Variants in VPS13B observed in about 807,000 individuals in gnomAD.
The protein encoded by VPS13B is intermembrane lipid transfer protein VPS13B.
VPS13B carries 285 observed loss-of-function variants against 426.4 expected under a neutral mutation model. The observed-to-expected ratio is 0.67, with a 90% CI of 0.61 to 0.74. The LOEUF (loss-of-function observed/expected upper bound fraction) is 0.74. Ranked by LOEUF, VPS13B falls within the 30% of genes least tolerant of loss-of-function variation. The pLI is 0.00. For missense variants in VPS13B, 4,537 were observed against 4,782.6 expected (o/e 0.95, Z 1.51); for synonymous variants, 1,676 against 1,676.4 (o/e 1.00, Z 0.01).
At chr8:99,810,825 T>C (rs1432267866) in intron 44 of VPS13B, among the ~76,000 whole-genome samples, 1 of 152,154 alleles carries the variant, frequency 6.6e-6, no homozygotes, top group Non-Finnish European at 1.5e-5. Context: ...TTGGAAAATA[T>C]GTAGAATTTG....
chr8:99,529,318 T>C (rs1342885942), intron 30 of VPS13B, among the ~76,000 whole-genome samples: 1 of 152,160 alleles, frequency 6.6e-6, no homozygotes, highest in Non-Finnish European at 1.5e-5. Context: ...ATTCTTTAAC[T>C]TGCTTGTATT....
At chr8:99,247,693 A>G (rs558932803) in intron 17 of VPS13B, among the ~76,000 whole-genome samples, 72 of 152,338 alleles carry the variant, frequency 4.7e-4, no homozygotes, top group Non-Finnish European at 5.7e-4. Context: ...AATTTTGTTC[A>G]AGGCTGGTGT....
At chr8:99,751,968 A>G (rs763004106) in intron 39 of VPS13B, among the ~76,000 whole-genome samples, 3 of 152,146 alleles carry the variant, frequency 2.0e-5, no homozygotes, top group Non-Finnish European at 4.4e-5. Flanking sequence ...ATCTTTTATA[A>G]TGGACAGTAA....
intron 43 of VPS13B, among the ~76,000 whole-genome samples, chr8:99,796,031 A>T (rs1053870252): frequency 3.9e-5 from 6 of 152,198 alleles, no homozygotes; most frequent in Non-Finnish European, 7.3e-5. Flanking sequence ...AGAATTTGCG[A>T]GTTGGGCTGT....
chr8:99,511,058 A>T, intron 28 of VPS13B, 46 bp from the exon 29 acceptor site: 1 of 1,601,796 alleles, frequency 6.2e-7, no homozygotes, highest in Non-Finnish European at 8.5e-7. Context: ...TTTAAAAAAA[A>T]TCTTTTTAAT....
chr8:99,796,190 T>G (rs1354258915), intron 43 of VPS13B, among the ~76,000 whole-genome samples: 1 of 150,062 alleles, frequency 6.7e-6, no homozygotes, highest in Non-Finnish European at 1.5e-5. Flanking sequence ...GGGAACTGAG[T>G]GAGGTAAGAA....
Position 99,192,908 on chromosome 8 carries a change from G to A in VPS13B, c.2366G>A (p.Gly789Asp). The A allele has an allele frequency of 6.2e-7, 1 of 1,613,338 alleles. No individual in the cohort carries two copies. The highest frequency in any genetic ancestry group is 1.7e-4 in the Middle Eastern group (1 of 6,058). ...AGATCTCAGATTGCTATAACTGAAG[G>A]TATATTTGAACTTCCAAATCTCACA... ...TKRSQIAITE[G>D]IFELPNLTIQ... Residue 789 changes from glycine to aspartate, a missense_variant, in exon 17 of 62, where the codon GGT becomes GAT. Physicochemically the swap from Gly to Asp is moderately conservative, Grantham distance 94 (BLOSUM62 -1). This residue lies in a region of VPS13B where 4,311 missense variants were observed against 4,474.3 expected (regional missense o/e 0.96). Transcript: ENST00000357162.
intron 21 of VPS13B, among the ~76,000 whole-genome samples, chr8:99,396,277 A>G (rs1814721825): frequency 6.6e-6 from 1 of 152,146 alleles, no homozygotes; most frequent in Non-Finnish European, 1.5e-5. Flanking sequence ...TAAATGATAC[A>G]CTGTAACCCT....
intron 33 of VPS13B, among the ~76,000 whole-genome samples, chr8:99,617,962 A>T (rs538209191): frequency 2.6e-5 from 4 of 151,478 alleles, no homozygotes; most frequent in African/African-American, 4.8e-5. Flanking sequence ...TCAGCTGTTA[A>T]TTTTTTTTTC....
At chr8:99,695,203 T>C (rs1831906619) in intron 35 of VPS13B, among the ~76,000 whole-genome samples, 1 of 151,152 alleles carries the variant, frequency 6.6e-6, no homozygotes, top group Admixed American at 6.9e-5. Flanking sequence ...ACTGGGTATA[T>C]ACCCAAAGGA....
intron 21 of VPS13B, among the ~76,000 whole-genome samples, chr8:99,426,011 C>T (rs1816682497): frequency 6.6e-6 from 1 of 150,962 alleles, no homozygotes; most frequent in Non-Finnish European, 1.5e-5. Flanking sequence ...GCTGCACCCA[C>T]TAACTCGTCA....
intron 43 of VPS13B, among the ~76,000 whole-genome samples, chr8:99,796,311 G>A (rs1231969055): frequency 6.6e-6 from 1 of 151,902 alleles, no homozygotes; most frequent in Non-Finnish European, 1.5e-5. Flanking sequence ...GCTAAGAAGT[G>A]AATGGGAAGT....
intron 17 of VPS13B, among the ~76,000 whole-genome samples, chr8:99,225,238 A>T (rs1395740710): frequency 2.0e-5 from 3 of 150,496 alleles, no homozygotes; most frequent in Non-Finnish European, 4.5e-5. Flanking sequence ...GGTATCTAAA[A>T]CTCACTATAT....
At chr8:99,429,279 A>C (rs1011363244) in intron 21 of VPS13B, among the ~76,000 whole-genome samples, 1 of 149,540 alleles carries the variant, frequency 6.7e-6, no homozygotes, top group Non-Finnish European at 1.5e-5. Flanking sequence ...TTAAAGTATA[A>C]TAACCAAAAA....
At chr8:99,260,586 T>C (rs1817989581) in intron 17 of VPS13B, among the ~76,000 whole-genome samples, 1 of 152,054 alleles carries the variant, frequency 6.6e-6, no homozygotes, top group Admixed American at 6.6e-5. Context: ...TTTGAGGCAT[T>C]GTATTAACCT....
At chr8:99,414,738 T>C (rs1017019169) in intron 21 of VPS13B, among the ~76,000 whole-genome samples, 7 of 152,322 alleles carry the variant, frequency 4.6e-5, no homozygotes, top group African/African-American at 1.7e-4. Context: ...GAATGTCGAA[T>C]ATTGGCCCCC....
chr8:99,054,117 T>G (rs10087533), intron 3 of VPS13B, among the ~76,000 whole-genome samples: 125,767 of 152,226 alleles, frequency 0.83, 52,471 homozygotes, highest in South Asian at 0.89. Context: ...GGTTATTGAG[T>G]ATAATGCTAC....
At chr8:99,362,059 A>G (rs1234725655) in intron 19 of VPS13B, among the ~76,000 whole-genome samples, 1 of 151,786 alleles carries the variant, frequency 6.6e-6, no homozygotes, top group Non-Finnish European at 1.5e-5. Context: ...TTAAACTTTG[A>G]CCATGACTAG....
Position 99,116,790 on chromosome 8 carries a change from A to G in VPS13B, c.937+916A>G, listed in dbSNP as rs139155968. Among the ~76,000 whole-genome samples, 925 of 152,298 alleles carry G rather than the reference A, an allele frequency of 6.1e-3. 12 individuals are homozygous for G. Among genetic ancestry groups the G allele is most frequent in the African/African-American group, 0.021 (881 of 41,562 alleles). ...TATACCTCAAGATTTCCTAGTAAAT[A>G]ATAGTATTGGTAATTTTTCTGCAAA... On this transcript the variant is annotated intron_variant, in intron 7 of 61. Coordinates refer to ENST00000357162, the MANE Select transcript of VPS13B (RefSeq NM_152564.5).
Sources: allele counts gnomAD v4.1 joint callset (sites outside exome capture counted in the v4.1 genomes callset), GRCh38; gene constraint gnomAD v4.1.1; regional missense constraint gnomAD v4.1.1; transcripts MANE v1.5; gene names NCBI Gene and HGNC (gene_info 2026-07-23, HGNC 2026-07-21).